GALK2: variants seen among roughly 807,000 people sequenced by gnomAD.
The protein encoded by GALK2 is galactokinase 2, also known as N-acetylgalactosamine kinase.
A neutral mutation model predicts 52.4 loss-of-function variants in GALK2; 36 were observed. The ratio of observed to expected loss-of-function variants is 0.69; its 90% CI spans 0.53 to 0.91. The LOEUF (loss-of-function observed/expected upper bound fraction) is 0.91. Ranked by LOEUF, GALK2 falls within the 40% of genes least tolerant of loss-of-function variation. The probability of loss-of-function intolerance (pLI) is 0.00; values close to 1 mark genes in which losing one functional copy is unlikely to be tolerated. For synonymous variants in GALK2, 176 were observed against 199.1 expected (o/e 0.88, Z 0.98); for missense variants, 579 against 559.1 (o/e 1.04, Z -0.36).
rs1302549673 is a variant in GALK2 at position 49,330,896 on chromosome 15, G to C, written c.*2737G>C. On this transcript the variant is annotated 3_prime_UTR_variant, in exon 10 of 10. Coordinates refer to ENST00000560031, the MANE Select transcript of GALK2 (RefSeq NM_002044.4). ...TTGAGCTGAGGACTTCAAAGCTACA[G>C]TGAGCCATGACTGCAGCACTGCACT... 2.0e-5 allele frequency: 3 copies of C among 152,288 alleles called. No homozygotes were observed. The highest frequency in any genetic ancestry group is 4.8e-5 in the African/African-American group (2 of 41,470). 9.4% of individuals were successfully genotyped at this position (152,288 alleles called of 1,614,324 possible).
At chr15:49,202,779 C>G (rs926873234) in intron 2 of GALK2, among the ~76,000 whole-genome samples, 3 of 152,140 alleles carry the variant, frequency 2.0e-5, no homozygotes, top group Non-Finnish European at 4.4e-5. Context: ...AGCCTTCATA[C>G]TGTTTTCCAT....
chr15:49,351,272 T>C (rs1212715426), intron 3 of GALK2, among the ~76,000 whole-genome samples: 2 of 152,314 alleles, frequency 1.3e-5, no homozygotes, highest in Non-Finnish European at 2.9e-5. Context: ...AAATGACTAC[T>C]AGCTATGGAA....
At chr15:49,170,011 C>T (rs1376750302), upstream of GALK2, 6 of 331,220 alleles carry the variant, frequency 1.8e-5, no homozygotes, top group East Asian at 2.8e-4. Context: ...AAAAGAAAAC[C>T]TCACTAGTCA....
At chr15:49,305,633 A>C (rs1472781437) in intron 8 of GALK2, among the ~76,000 whole-genome samples, 5 of 152,230 alleles carry the variant, frequency 3.3e-5, no homozygotes, top group African/African-American at 1.2e-4. Context: ...GCAATATAAA[A>C]GTCTACTTAA....
rs536914993 is a variant in GALK2 at position 49,296,907 on chromosome 15, C to A, written c.967+4370C>A. 9.2e-5 allele frequency among the ~76,000 whole-genome samples: 14 copies of A among 152,252 alleles called. 1 individual carries two copies. In the South Asian group the frequency reaches 2.7e-3, roughly 29 times the overall value. On this transcript the variant is annotated intron_variant, in intron 8 of 9. Transcript: ENST00000560031. Reference sequence around the variant, plus strand: ...AGCCACTGCACCTGTCCACATGTGTCTTTTTGGTAGAATGATTTATATTCA... The same window carrying A: ...AGCCACTGCACCTGTCCACATGTGTATTTTTGGTAGAATGATTTATATTCA...
At chr15:49,294,511 T>G (rs2034276812) in intron 8 of GALK2, among the ~76,000 whole-genome samples, 1 of 152,182 alleles carries the variant, frequency 6.6e-6, no homozygotes, top group South Asian at 2.1e-4. Context: ...CAATATTTAT[T>G]GAATGAAGAA....
At chr15:49,366,327 G>C (rs959821856) in intron 3 of GALK2, 3 of 786,824 alleles carry the variant, frequency 3.8e-6, no homozygotes, top group Non-Finnish European at 7.1e-6. Context: ...GTAGGAAATA[G>C]GATACTGTTA....
intron 3 of GALK2, among the ~76,000 whole-genome samples, chr15:49,351,457 G>A (rs946877530): frequency 2.6e-5 from 4 of 152,176 alleles, no homozygotes; most frequent in African/African-American, 9.7e-5. Context: ...TCTAAAACAT[G>A]TAATTCCCAT....
In GALK2 at chr15:49,292,494, G is replaced by T; in HGVS notation, c.924G>T (p.Leu308=). 6.2e-7 allele frequency: 1 copy of T among 1,614,024 alleles called. No homozygotes were observed. Residue 308 remains leucine, a synonymous_variant, in exon 8 of 10, where the codon CTG becomes CTT. Coordinates refer to ENST00000560031, the MANE Select transcript of GALK2 (RefSeq NM_002044.4). The stretch of plus-strand genomic sequence containing the variant: ...TCTGCAGGTGTCTGGGAATTAGCCT[G>T]GAGGAACTCCGAACCCAAATCCTGA... ...EEICRCLGIS[L]EELRTQILSP...
At chr15:49,229,521 G>A (rs1278991238) in intron 3 of GALK2, among the ~76,000 whole-genome samples, 1 of 152,202 alleles carries the variant, frequency 6.6e-6, no homozygotes, top group Non-Finnish European at 1.5e-5. Context: ...TACGTTGGGT[G>A]GGCTCATCTT....
chr15:49,291,954 C>T (rs1396523441), intron 7 of GALK2, among the ~76,000 whole-genome samples: 1 of 152,146 alleles, frequency 6.6e-6, no homozygotes, highest in Non-Finnish European at 1.5e-5. Context: ...TTTCTCTTGA[C>T]TTCCTAGGGA....
intron 1 of GALK2, among the ~76,000 whole-genome samples, chr15:49,176,159 C>T (rs965436679): frequency 1.3e-5 from 2 of 152,264 alleles, no homozygotes; most frequent in Non-Finnish European, 2.9e-5. Context: ...ATCCCTCGCC[C>T]TCCTTGCACC....
chr15:49,200,460 G>T (rs1367142613), intron 1 of GALK2, among the ~76,000 whole-genome samples: 2 of 152,200 alleles, frequency 1.3e-5, no homozygotes, highest in African/African-American at 4.8e-5. Flanking sequence ...TTAAGATGAG[G>T]TCGTACTCAA....
intron 3 of GALK2, among the ~76,000 whole-genome samples, chr15:49,233,242 G>A (rs932763614): frequency 1.3e-5 from 2 of 152,182 alleles, no homozygotes; most frequent in African/African-American, 2.4e-5. Context: ...CATGGCCAGA[G>A]CCAGGAGGAA....
intron 1 of GALK2, chr15:49,195,325 C>A: frequency 8.2e-6 from 2 of 243,598 alleles, no homozygotes; most frequent in Non-Finnish European, 1.7e-5. Flanking sequence ...CCCGCCTCGG[C>A]CTCCCAAAGT....
intron 5 of GALK2, among the ~76,000 whole-genome samples, chr15:49,256,127 T>C (rs1310494625): frequency 1.3e-5 from 2 of 152,094 alleles, no homozygotes; most frequent in Admixed American, 6.6e-5. Context: ...CCAAAGAAAA[T>C]ACCAAGCAAC....
chr15:49,183,456 G>C (rs865929747), intron 1 of GALK2, among the ~76,000 whole-genome samples: 2 of 152,170 alleles, frequency 1.3e-5, no homozygotes, highest in Non-Finnish European at 2.9e-5. Flanking sequence ...AATTGTGTTT[G>C]TATAGTTTCT....
intron 1 of GALK2, among the ~76,000 whole-genome samples, chr15:49,200,126 T>C (rs1205875713): frequency 6.6e-6 from 1 of 152,198 alleles, no homozygotes; most frequent in Non-Finnish European, 1.5e-5. Flanking sequence ...ATGAGGGCTA[T>C]TCACAGAATT....
intron 8 of GALK2, among the ~76,000 whole-genome samples, chr15:49,300,124 G>A (rs62009835): frequency 0.061 from 9,292 of 152,038 alleles, 410 homozygotes; most frequent in Non-Finnish European, 0.087. Context: ...GTGCTCTAAT[G>A]TTGGGTGAAT....
Sources: allele counts gnomAD v4.1 joint callset (sites outside exome capture counted in the v4.1 genomes callset), GRCh38; gene constraint gnomAD v4.1.1; transcripts MANE v1.5; gene names NCBI Gene and HGNC (gene_info 2026-07-23, HGNC 2026-07-21).